Variants in PRSS23 observed in about 807,000 individuals in gnomAD.
PRSS23 encodes serine protease 23.
PRSS23 carries 25 observed loss-of-function variants against 34.7 expected under a neutral mutation model. The observed-to-expected ratio is 0.72, with a 90% CI of 0.53 to 1.01. The LOEUF is 1.01. PRSS23 is among the 50% of genes least tolerant of loss of function. The pLI is 0.00. For missense variants in PRSS23, 445 were observed against 475.6 expected, an observed-to-expected ratio of 0.94 and a Z score of 0.60; for synonymous variants, 176 against 186.6, an observed-to-expected ratio of 0.94 and a Z score of 0.46.
At chr11:86,855,584 C>G (rs1290953284) in intron 2 of PRSS23, among the ~76,000 whole-genome samples, 1 of 152,168 alleles carries the variant, frequency 6.6e-6, no homozygotes. Flanking sequence ...CAACCTCTGC[C>G]TCCTAGTTTC....
At chr11:86,817,190 CT>C (rs1315631048) in intron 1 of PRSS23, among the ~76,000 whole-genome samples, 1 of 151,970 alleles carries the variant, frequency 6.6e-6, no homozygotes, top group Non-Finnish European at 1.5e-5. Flanking sequence ...TTCCCTCATG[CT>C]TTCTATTTCA....
At chr11:86,800,446 C>T, upstream of PRSS23, 1 of 983,560 alleles carries the variant, frequency 1.0e-6, no homozygotes, top group Non-Finnish European at 1.2e-6. Context: ...GGGCGGCGTC[C>T]GCGCGGCTTC....
At chr11:86,866,216 C>G (rs1467415297) in intron 2 of PRSS23, among the ~76,000 whole-genome samples, 3 of 152,200 alleles carry the variant, frequency 2.0e-5, no homozygotes, top group East Asian at 1.9e-4. Flanking sequence ...TGAAGTGCAA[C>G]CCTCTAGAGT....
intron 1 of PRSS23, among the ~76,000 whole-genome samples, chr11:86,805,732 A>C (rs1035934944): frequency 3.3e-5 from 5 of 152,242 alleles, no homozygotes; most frequent in African/African-American, 1.2e-4. Context: ...CACAGTGTGG[A>C]TATTGGGAAT....
chr11:86,828,588 C>G (rs1250987864), intron 2 of PRSS23, among the ~76,000 whole-genome samples: 1 of 152,164 alleles, frequency 6.6e-6, no homozygotes, highest in Non-Finnish European at 1.5e-5. Context: ...TCTCCCTAGC[C>G]TCAATGGTCT....
intron 2 of PRSS23, chr11:86,911,360 C>T (rs963957376): frequency 5.9e-5 from 9 of 151,836 alleles, no homozygotes; most frequent in African/African-American, 1.9e-4. Flanking sequence ...AGGTTTGTTA[C>T]GTGAGTATAT....
At chr11:86,821,069 T>C (rs1259993674) in intron 1 of PRSS23, 2 of 282,196 alleles carry the variant, frequency 7.1e-6, no homozygotes, top group Non-Finnish European at 1.3e-5. Flanking sequence ...ATGATTGATG[T>C]GTCTAAAATG....
chr11:86,823,587 C>T (rs766304318), exon 2 of PRSS23: 8 of 702,392 alleles, frequency 1.1e-5, no homozygotes, highest in South Asian at 8.9e-5. Context: ...ACAGAAGAGT[C>T]GAGGAGGTAA....
At chr11:86,813,236 GT>G (rs1948192702), downstream of PRSS23, among the ~76,000 whole-genome samples, 1 of 152,156 alleles carries the variant, frequency 6.6e-6, no homozygotes. Flanking sequence ...TTCAAGCCCA[GT>G]CATCTTGTTT....
At position 86,918,193 on chromosome 11, in the gene PRSS23, T is replaced by C. The variant is rs114123767; in HGVS notation, c.207-33023T>C. On this transcript the variant is annotated intron_variant, in intron 2 of 2. Coordinates refer to the PRSS23 transcript ENST00000533902. ...CGTAGGAAATAAAATAAAGCTATTG[T>C]GTCAGTATATACAGAAATGAATGTA... Among the ~76,000 whole-genome samples the C allele has an allele frequency of 3.4e-3, 472 of 137,994 alleles. 3 individuals carry two copies. Among genetic ancestry groups the C allele is most frequent in the African/African-American group, 0.012 (454 of 36,662 alleles). The allele number at this position is 137,994 out of a possible 152,430, so 90.5% of individuals were successfully genotyped here.
intron 2 of PRSS23, among the ~76,000 whole-genome samples, chr11:86,852,454 C>T (rs1007632022): frequency 1.3e-5 from 2 of 152,178 alleles, no homozygotes; most frequent in African/African-American, 4.8e-5. Context: ...TTCCTCTAAT[C>T]AGGAGAAAGC....
At chr11:86,903,492 T>TC (rs1320324823) in intron 2 of PRSS23, among the ~76,000 whole-genome samples, 2 of 150,396 alleles carry the variant, frequency 1.3e-5, no homozygotes, top group Non-Finnish European at 1.5e-5. Flanking sequence ...TTTTTTTTTT[T>TC]TTTTTTTTGA....
At chr11:86,937,769 G>T (rs569055814) in intron 2 of PRSS23, 11 of 152,218 alleles carry the variant, frequency 7.2e-5, no homozygotes, top group Admixed American at 3.9e-4. Context: ...TGTCAGTGGA[G>T]TAGCCATTCT....
intron 2 of PRSS23, among the ~76,000 whole-genome samples, chr11:86,833,722 C>T (rs762813860): frequency 2.0e-5 from 3 of 152,092 alleles, no homozygotes; most frequent in South Asian, 2.1e-4. Context: ...TTGCAAGCCC[C>T]GTGTTTAAAG....
At chr11:86,883,257 C>T (rs1002896229) in intron 2 of PRSS23, among the ~76,000 whole-genome samples, 2 of 152,160 alleles carry the variant, frequency 1.3e-5, no homozygotes, top group African/African-American at 4.8e-5. Flanking sequence ...TACAGGGATA[C>T]AGTAACCAAA....
chr11:86,952,206 C>T (rs138794842), exon 3 of PRSS23: 8 of 1,613,766 alleles, frequency 5.0e-6, no homozygotes, highest in South Asian at 1.1e-5. Context: ...TTGGTTCCCA[C>T]AGAGTGACAC....
At chr11:86,837,788 G>A (rs1948418277) in intron 2 of PRSS23, among the ~76,000 whole-genome samples, 1 of 152,076 alleles carries the variant, frequency 6.6e-6, no homozygotes, top group Non-Finnish European at 1.5e-5. Flanking sequence ...GAAAGTTTTA[G>A]TTAAATGGAC....
At chr11:86,799,685 A>C (rs1335729120), upstream of PRSS23, among the ~76,000 whole-genome samples, 2 of 151,182 alleles carry the variant, frequency 1.3e-5, no homozygotes, top group East Asian at 3.9e-4. Flanking sequence ...CTCCCCGCAC[A>C]CCCCCCTACC....
At chr11:86,851,539 G>A (rs1948529456) in intron 2 of PRSS23, among the ~76,000 whole-genome samples, 1 of 152,240 alleles carries the variant, frequency 6.6e-6, no homozygotes, top group East Asian at 1.9e-4. Context: ...GAGAGGACTG[G>A]CCAAATGCCA....
Sources: allele counts gnomAD v4.1 joint callset (sites outside exome capture counted in the v4.1 genomes callset), GRCh38; gene constraint gnomAD v4.1.1; transcripts MANE v1.5; gene names NCBI Gene and HGNC (gene_info 2026-07-23, HGNC 2026-07-21).